PYROXD1: variants seen among roughly 807,000 people sequenced by gnomAD.
PYROXD1 encodes pyridine nucleotide-disulphide oxidoreductase domain 1, also known as tRNA ligase complex-associated NAD(P)H dehydrogenase PYROXD1.
PYROXD1 carries 42 observed loss-of-function variants against 62.0 expected under a neutral mutation model. The ratio of observed to expected loss-of-function variants is 0.68; its 90% CI spans 0.53 to 0.88. PYROXD1 has a LOEUF of 0.88. PYROXD1 is among the 40% of genes least tolerant of loss of function. The pLI is 0.00. For synonymous variants in PYROXD1, 170 were observed against 206.4 expected (o/e 0.82, Z 1.51); for missense variants, 493 against 604.8 (o/e 0.82, Z 1.94).
In PYROXD1 at chr12:21,449,556, T is replaced by G. The variant is rs1347834977; in HGVS notation, c.286-7T>G. ...CCCTTTTCTTTCATTGTTTGATGTA[T>G]TTACAGTGCATTGTAACAGAAGATG... is the stretch of plus-strand genomic sequence containing the variant. On this transcript the variant is annotated splice_polypyrimidine_tract_variant and splice_region_variant and intron_variant, in intron 3 of 11. Coordinates refer to ENST00000240651, the MANE Select transcript of PYROXD1 (RefSeq NM_024854.5). 1 of 1,609,516 alleles carries G rather than the reference T, an allele frequency of 6.2e-7. No individual in the cohort carries two copies. Among genetic ancestry groups the G allele is most frequent in the African/African-American group, 1.3e-5 (1 of 74,740 alleles).
Position 21,445,364 on chromosome 12 carries a change from A to G in PYROXD1, c.183A>G (p.Glu61=). The part of the protein sequence containing the change: ...TNFKQISKIL[E]EFDVEEQSST... ...CTATACAGATTTCTAAAATATTGGA[A>G]GAATTCGATGTTGAAGAACAATCAA... is the stretch of plus-strand genomic sequence containing the variant. The change falls in exon 3 of 12, where the codon GAA becomes GAG. Residue 61 remains glutamate, a synonymous_variant. Coordinates refer to ENST00000240651, the MANE Select transcript of PYROXD1 (RefSeq NM_024854.5). 1.3e-6 allele frequency: 2 copies of G among 1,597,246 alleles called. No individual in the cohort carries two copies. The highest frequency in any genetic ancestry group is 1.7e-6 in the Non-Finnish European group (2 of 1,175,290).
chr12:21,445,344 C>T lies in PYROXD1; in HGVS notation c.166-3C>T. On this transcript the variant is annotated splice_region_variant and splice_polypyrimidine_tract_variant and intron_variant, in intron 2 of 11. Transcript: ENST00000240651. ...ACATTTTTAATCTCTTGGATCTATA[C>T]AGATTTCTAAAATATTGGAAGAATT... 1.3e-6 allele frequency: 2 copies of T among 1,585,266 alleles called. No homozygotes were observed. Among genetic ancestry groups the T allele is most frequent in the Non-Finnish European group, 1.7e-6 (2 of 1,170,892 alleles).
Position 21,467,592 on chromosome 12 carries a change from C to T in PYROXD1, c.1228C>T (p.His410Tyr). 1 of 1,611,228 alleles carries T rather than the reference C, an allele frequency of 6.2e-7. No homozygotes were observed. Among genetic ancestry groups the T allele is most frequent in the South Asian group, 1.1e-5 (1 of 90,644 alleles). The change falls in exon 11 of 12, where the codon CAT (histidine) becomes TAT (tyrosine). Residue 410 changes from histidine (H) to tyrosine (Y), a missense_variant. This residue lies in a region of PYROXD1 where 329 missense variants were observed against 446.6 expected (regional missense o/e 0.74). Transcript: ENST00000240651. ...GGATTTCAGCTTTGAACTGTTTGCT[C>T]ATGTGACAAAATTTTTTAACTATAA... ...DMDFSFELFA[H>Y]VTKFFNYKVV...
At chr12:21,449,533 C>A (rs140868103) in intron 3 of PYROXD1, 30 bp from the exon 4 acceptor site, 3 of 1,587,956 alleles carry the variant, frequency 1.9e-6, no homozygotes, top group South Asian at 1.2e-5. Flanking sequence ...ATGTGTCTCC[C>A]TTTTCTTTCA....
rs551278967 is a variant in PYROXD1, at chr12:21,470,908, A to G, written c.*2154A>G. On this transcript the variant is annotated 3_prime_UTR_variant, in exon 12 of 12. Coordinates refer to ENST00000240651, the MANE Select transcript of PYROXD1 (RefSeq NM_024854.5). ...ACCTAGGGGAATATGACAGAAAAGCATCCCATAGGCTTTAATATACTTTTT... is the reference window on the plus strand; with the variant it reads ...ACCTAGGGGAATATGACAGAAAAGCGTCCCATAGGCTTTAATATACTTTTT... 15 of 1,221,770 alleles carry G rather than the reference A, an allele frequency of 1.2e-5. No individual in the cohort carries two copies. The South Asian group carries it at 3.5e-4, about 29-fold the overall frequency. 75.7% of individuals were successfully genotyped at this position (1,221,770 alleles called of 1,614,324 possible). A position where few individuals can be genotyped will look rare whatever the true frequency, so the allele number is the denominator to read the frequency against.
rs760253044 is a variant in PYROXD1, at chr12:21,461,131, A to G, written c.857A>G (p.His286Arg). Residue 286 changes from histidine (H) to arginine (R), a missense_variant, in exon 8 of 12, where the codon CAT becomes CGT. Coordinates refer to ENST00000240651, the MANE Select transcript of PYROXD1 (RefSeq NM_024854.5). ...AAGTCCTTCACTTTTCCAAGAGACCATAAGTCAGTTACAGCTGATACAGGC... is the reference window on the plus strand; with the variant it reads ...AAGTCCTTCACTTTTCCAAGAGACCGTAAGTCAGTTACAGCTGATACAGGC... ...KKKSFTFPRD[H>R]KSVTADTEMW... 9 of 1,579,996 alleles carry G rather than the reference A, an allele frequency of 5.7e-6. No individual in the cohort carries two copies. Among genetic ancestry groups the G allele is most frequent in the South Asian group, 3.6e-5 (3 of 82,960 alleles).
Position 21,443,351 on chromosome 12 carries a change from G to GGT in PYROXD1, c.166-1983_166-1982dup, listed in dbSNP as rs879605495. On this transcript the variant is annotated intron_variant, in intron 2 of 11. Transcript: ENST00000240651. The stretch of plus-strand genomic sequence containing the variant: ...GATATTTATTATCAATATGGGTAGG[G>GGT]GTGTGTGTGTGTGTTTACACATCAG... Among the ~76,000 whole-genome samples the GGT allele has an allele frequency of 5.3e-4, 80 of 151,570 alleles. 1 individual carries two copies. The highest frequency in any genetic ancestry group is 5.3e-4 in the Admixed American group (8 of 15,194).
At position 21,456,050 on chromosome 12, in the gene PYROXD1, G is replaced by A. The variant is rs137912595; in HGVS notation, c.705G>A (p.Leu235=). Residue 235 remains leucine, a synonymous_variant, in exon 7 of 12, where the codon TTG becomes TTA. Coordinates refer to ENST00000240651, the MANE Select transcript of PYROXD1 (RefSeq NM_024854.5). ...AAGCAGATAATGTAGGAAGTGCATT[G>A]GGACCAGATTGGCATGAAGGCTTGA... ...KSKADNVGSA[L]GPDWHEGLNL... 174 of 1,611,738 alleles carry A rather than the reference G, an allele frequency of 1.1e-4. No individual in the cohort carries two copies. The highest frequency in any genetic ancestry group is 1.4e-4 in the Non-Finnish European group (170 of 1,178,806).
chr12:21,455,110 G>T, intron 5 of PYROXD1, 22 bp from the exon 6 acceptor site: 1 of 1,348,134 alleles, frequency 7.4e-7, no homozygotes, highest in South Asian at 2.1e-5. Context: ...ATCACTCTTA[G>T]TAACTTTAAC....
At chr12:21,454,578 T>G (rs3919535) in intron 5 of PYROXD1, among the ~76,000 whole-genome samples, 74,173 of 151,160 alleles carry the variant, frequency 0.49, 18,178 homozygotes, top group Middle Eastern at 0.59. Flanking sequence ...TATATACCAT[T>G]TTCATTCTTT....
intron 2 of PYROXD1, among the ~76,000 whole-genome samples, chr12:21,444,721 C>T (rs575057254): frequency 6.6e-5 from 10 of 152,196 alleles, no homozygotes; most frequent in African/African-American, 2.2e-4. Flanking sequence ...GATTTCCATG[C>T]AGTTTTTAAG....
At chr12:21,465,121 T>C (rs933664262) in intron 10 of PYROXD1, among the ~76,000 whole-genome samples, 1 of 152,026 alleles carries the variant, frequency 6.6e-6, no homozygotes, top group South Asian at 2.1e-4. Flanking sequence ...ATAGTGCCGC[T>C]ATAAACATAC....
At chr12:21,467,820 A>G (rs1341675159) in intron 11 of PYROXD1, among the ~76,000 whole-genome samples, 1 of 151,684 alleles carries the variant, frequency 6.6e-6, no homozygotes, top group South Asian at 2.1e-4. Context: ...CCACCTTACC[A>G]CTATTCTATT....
intron 1 of PYROXD1, among the ~76,000 whole-genome samples, chr12:21,439,746 T>A (rs118054067): frequency 0.018 from 2,813 of 152,322 alleles, 54 homozygotes; most frequent in South Asian, 0.034. Context: ...AAGAAAATGC[T>A]TTCAGGTACA....
In PYROXD1 at chr12:21,469,089, G is replaced by C. The variant is rs764545648; in HGVS notation, c.*335G>C. 31 of 192,790 alleles carry C rather than the reference G, an allele frequency of 1.6e-4. No individual in the cohort carries two copies. The highest frequency in any genetic ancestry group is 3.0e-4 in the Non-Finnish European group (28 of 92,968). The allele number at this position is 192,790 out of a possible 1,614,324, so 11.9% of individuals were successfully genotyped here. A position where few individuals can be genotyped will look rare whatever the true frequency, so the allele number is the denominator to read the frequency against. ...CTACTTAGCCAAATGTACTCTAGTA[G>C]ACTAGAACCATTCTTTGTGAAATGT... is the stretch of plus-strand genomic sequence containing the variant. On this transcript the variant is annotated 3_prime_UTR_variant, in exon 12 of 12. Coordinates refer to ENST00000240651, the MANE Select transcript of PYROXD1 (RefSeq NM_024854.5).
At chr12:21,449,372 A>G (rs1942449662) in intron 3 of PYROXD1, among the ~76,000 whole-genome samples, 191 bp from the exon 4 acceptor site, 1 of 152,132 alleles carries the variant, frequency 6.6e-6, no homozygotes. Context: ...TGATTTAAGA[A>G]TAACTGGATT....
chr12:21,470,962 C>G lies in PYROXD1; in HGVS notation c.*2208C>G. ...ATATATAAAACTGAAAATTAATAGC[C>G]ATTTACCCTGAAAGAGTTCTGCGTG... On this transcript the variant is annotated 3_prime_UTR_variant, in exon 12 of 12. Coordinates refer to ENST00000240651, the MANE Select transcript of PYROXD1 (RefSeq NM_024854.5). 2.0e-6 allele frequency: 3 copies of G among 1,504,848 alleles called. No homozygotes were observed. The highest frequency in any genetic ancestry group is 2.6e-6 in the Non-Finnish European group (3 of 1,132,728). The allele number at this position is 1,504,848 out of a possible 1,614,324, so 93.2% of individuals were successfully genotyped here. A position where few individuals can be genotyped will look rare whatever the true frequency, so the allele number is the denominator to read the frequency against.
chr12:21,470,079 A>T lies in PYROXD1; in HGVS notation c.*1325A>T. On this transcript the variant is annotated 3_prime_UTR_variant, in exon 12 of 12. Transcript: ENST00000240651. ...TCAGAGATAAGCTCTGAAAATATAG[A>T]TCCATACATATAAAATATCTATGAA... is the stretch of plus-strand genomic sequence containing the variant. 1.3e-6 allele frequency: 1 copy of T among 767,896 alleles called. No individual in the cohort carries two copies. The highest frequency in any genetic ancestry group is 2.1e-6 in the Non-Finnish European group (1 of 484,954). The allele number at this position is 767,896 out of a possible 1,614,324, so 47.6% of individuals were successfully genotyped here.
At chr12:21,451,469 A>G (rs1033989328) in intron 4 of PYROXD1, among the ~76,000 whole-genome samples, 2 of 151,692 alleles carry the variant, frequency 1.3e-5, no homozygotes, top group African/African-American at 2.4e-5. Flanking sequence ...TAGAAGTTTG[A>G]CATTATTGGG....
Sources: gnomAD v4.1 joint callset for allele counts (sites outside exome capture counted in the v4.1 genomes callset) on GRCh38, gnomAD v4.1.1 for gene constraint, gnomAD v4.1.1 regional missense constraint, MANE v1.5 for transcripts, NCBI Gene and HGNC (gene_info 2026-07-23, HGNC 2026-07-21) for gene names.